Variants in FGFR1OP2 observed in about 807,000 individuals in gnomAD.
FGFR1OP2 encodes the protein fibroblast growth factor receptor 1 oncogene partner 2.
FGFR1OP2 carries 17 observed loss-of-function variants against 35.2 expected under a neutral mutation model. That is an observed-to-expected ratio of 0.48 (90% CI 0.33 to 0.73). FGFR1OP2 has a LOEUF of 0.73. Ranked by LOEUF, FGFR1OP2 falls within the 30% of genes least tolerant of loss-of-function variation. FGFR1OP2 has a pLI of 0.02. For synonymous variants in FGFR1OP2, 105 were observed against 104.6 expected (o/e 1.00, Z -0.03); for missense variants, 251 against 307.3 (o/e 0.82, Z 1.37).
chr12:26,955,557 A>G (rs1169929415), intron 2 of FGFR1OP2, among the ~76,000 whole-genome samples: 1 of 152,224 alleles, frequency 6.6e-6, no homozygotes, highest in Non-Finnish European at 1.5e-5. Flanking sequence ...TGGACATTTC[A>G]TATAAATGGA....
chr12:26,962,161 A>G (rs1274993662), intron 5 of FGFR1OP2: 1 of 152,206 alleles, frequency 6.6e-6, no homozygotes, highest in Non-Finnish European at 1.5e-5. Context: ...GATTTTAATT[A>G]AGTTTAACAT....
intron 3 of FGFR1OP2, 139 bp from the exon 4 acceptor site, chr12:26,957,462 C>A: frequency 1.4e-6 from 1 of 691,610 alleles, no homozygotes; most frequent in South Asian, 2.0e-5. Context: ...CATTTGGTGT[C>A]TCTTATTGTT....
chr12:26,957,559 T>C, intron 3 of FGFR1OP2, 42 bp from the exon 4 acceptor site: 1 of 1,564,382 alleles, frequency 6.4e-7, no homozygotes, highest in Non-Finnish European at 8.7e-7. Flanking sequence ...TTTGTGTACT[T>C]TTAACTCAAG....
chr12:26,942,355 T>C (rs1329141183), intron 1 of FGFR1OP2, among the ~76,000 whole-genome samples: 1 of 152,250 alleles, frequency 6.6e-6, no homozygotes, highest in Non-Finnish European at 1.5e-5. Context: ...GGGTCTATTT[T>C]CTCATTGGTA....
chr12:26,955,426 T>C (rs896378867), intron 2 of FGFR1OP2, among the ~76,000 whole-genome samples: 4 of 152,226 alleles, frequency 2.6e-5, no homozygotes, highest in Admixed American at 1.3e-4. Context: ...AACCACTACC[T>C]GATTCCAGAA....
At chr12:26,941,872 C>A (rs1439243643) in intron 1 of FGFR1OP2, among the ~76,000 whole-genome samples, 1 of 152,092 alleles carries the variant, frequency 6.6e-6, no homozygotes, top group African/African-American at 2.4e-5. Flanking sequence ...TCGTTTTCCA[C>A]CTGATGAGAT....
At chr12:26,948,914 C>A (rs537293901) in intron 1 of FGFR1OP2, among the ~76,000 whole-genome samples, 10 of 152,086 alleles carry the variant, frequency 6.6e-5, no homozygotes, top group African/African-American at 2.4e-4. Context: ...GTGGCATGCA[C>A]CTATATAGTC....
chr12:26,949,098 G>T (rs542188994), intron 1 of FGFR1OP2, among the ~76,000 whole-genome samples: 1 of 152,294 alleles, frequency 6.6e-6, no homozygotes, highest in East Asian at 1.9e-4. Flanking sequence ...TCAGAAAGTT[G>T]TTCAGGAATG....
At chr12:26,942,609 A>T (rs1565846197) in intron 1 of FGFR1OP2, among the ~76,000 whole-genome samples, 2 of 152,190 alleles carry the variant, frequency 1.3e-5, no homozygotes, top group Non-Finnish European at 2.9e-5. Context: ...AGTTTATTTT[A>T]CAGCTGTTAC....
At chr12:26,954,365 T>C in intron 2 of FGFR1OP2, 72 bp downstream of exon 2, 1 of 1,476,346 alleles carries the variant, frequency 6.8e-7, no homozygotes. Flanking sequence ...GCTGGCTAAT[T>C]AGTATCTAAT....
At chr12:26,952,087 C>CTTTT (rs34270981) in intron 1 of FGFR1OP2, among the ~76,000 whole-genome samples, 12 of 117,182 alleles carry the variant, frequency 1.0e-4, no homozygotes, top group Non-Finnish European at 1.1e-4. Flanking sequence ...AGTGCCCGTC[C>CTTTT]TTTTTTTTTT....
rs538945775 is a variant in FGFR1OP2 at position 26,948,786 on chromosome 12, G to C, written c.-14-5359G>C. ...ATGACAAGTTAGAATGCGCTTGGGA[G>C]AATACACAAAATACAGTATTTTAGT... On this transcript the variant is annotated intron_variant, in intron 1 of 6. Transcript: ENST00000229395. Among the ~76,000 whole-genome samples the C allele has an allele frequency of 2.6e-5, 4 of 152,298 alleles. No individual in the cohort carries two copies. In the East Asian group the frequency reaches 7.7e-4, roughly 29 times the overall value.
At chr12:26,960,434 A>G (rs1939086280) in intron 4 of FGFR1OP2, 81 bp from the exon 5 acceptor site, 8 of 858,388 alleles carry the variant, frequency 9.3e-6, no homozygotes, top group African/African-American at 5.1e-5. Flanking sequence ...ACAGTTGGCT[A>G]ACACGCATGA....
At chr12:26,960,821 G>A (rs1939094821) in intron 5 of FGFR1OP2, 193 bp downstream of exon 5, 1 of 842,716 alleles carries the variant, frequency 1.2e-6, no homozygotes, top group Non-Finnish European at 1.7e-6. Flanking sequence ...TCTGTGTATT[G>A]TATCATGTAC....
In FGFR1OP2 at chr12:26,964,916, GA is replaced by G; in HGVS notation, c.*187del. ...TAGACTTTATTCCAAAACATAATTG[GA>G]AAATAGAAACTGAGCCATTGCCAAA... On this transcript the variant is annotated 3_prime_UTR_variant, in exon 7 of 7. Transcript: ENST00000229395. The G allele has an allele frequency of 1.8e-6, 1 of 541,648 alleles. No individual in the cohort carries two copies. Among genetic ancestry groups the G allele is most frequent in the Non-Finnish European group, 3.0e-6 (1 of 333,018 alleles). The allele number at this position is 541,648 out of a possible 1,614,324, so 33.6% of individuals were successfully genotyped here. A position where few individuals can be genotyped will look rare whatever the true frequency, so the allele number is the denominator to read the frequency against.
chr12:26,943,581 T>A (rs1938771684), intron 1 of FGFR1OP2, among the ~76,000 whole-genome samples: 4 of 152,162 alleles, frequency 2.6e-5, no homozygotes, highest in Non-Finnish European at 5.9e-5. Flanking sequence ...TCCCAGCACT[T>A]TGGGAAGTCA....
At chr12:26,953,850 T>G in intron 1 of FGFR1OP2, 1 of 184,190 alleles carries the variant, frequency 5.4e-6, no homozygotes, top group South Asian at 1.8e-4. Flanking sequence ...ATTATATTCC[T>G]TGGACATGTA....
intron 1 of FGFR1OP2, among the ~76,000 whole-genome samples, chr12:26,940,451 T>C (rs1422434852): frequency 6.6e-6 from 1 of 152,236 alleles, no homozygotes; most frequent in Non-Finnish European, 1.5e-5. Flanking sequence ...CGATGTGCCT[T>C]TATAAATGCT....
intron 1 of FGFR1OP2, among the ~76,000 whole-genome samples, chr12:26,944,382 A>AAGT (rs1191351124): frequency 6.6e-6 from 1 of 152,132 alleles, no homozygotes; most frequent in Non-Finnish European, 1.5e-5. Flanking sequence ...ATGAAGTATG[A>AAGT]CGTTTGCTGT....
Sources: gnomAD v4.1 joint callset for allele counts (sites outside exome capture counted in the v4.1 genomes callset) on GRCh38, gnomAD v4.1.1 for gene constraint, MANE v1.5 for transcripts, NCBI Gene and HGNC (gene_info 2026-07-23, HGNC 2026-07-21) for gene names.